Variants in CNTN4 observed in about 807,000 individuals in gnomAD.
CNTN4 encodes contactin 4.
In CNTN4, 77 loss-of-function variants were observed where a neutral mutation model predicts 122.5. That is an observed-to-expected ratio of 0.63 (90% CI 0.52 to 0.76). CNTN4 has a LOEUF of 0.76. Among genes scored for constraint, CNTN4 ranks in the 30% least tolerant of loss-of-function variants. The probability of loss-of-function intolerance (pLI) is 0.00; values close to 1 mark genes in which losing one functional copy is unlikely to be tolerated. For synonymous variants in CNTN4, 512 were observed against 447.0 expected (o/e 1.15, Z -1.83); for missense variants, 1,256 against 1,259.1 (o/e 1.00, Z 0.04).
At chr3:2,396,349 T>C (rs1032466846) in intron 3 of CNTN4, among the ~76,000 whole-genome samples, 1 of 152,138 alleles carries the variant, frequency 6.6e-6, no homozygotes, top group Non-Finnish European at 1.5e-5. Context: ...GTATGAAGGA[T>C]AATGAGACAT....
intron 2 of CNTN4, among the ~76,000 whole-genome samples, chr3:2,254,105 G>A (rs890676227): frequency 7.9e-5 from 10 of 126,030 alleles, no homozygotes; most frequent in Admixed American, 6.2e-4. Context: ...TGTTCTTATA[G>A]TTCAACTCCC....
intron 2 of CNTN4, among the ~76,000 whole-genome samples, chr3:2,136,247 C>T (rs1321450771): frequency 1.3e-5 from 2 of 152,166 alleles, no homozygotes; most frequent in African/African-American, 4.8e-5. Flanking sequence ...AGTTGAGAGA[C>T]CTTATATCAT....
At chr3:2,215,044 C>T (rs1317831883) in intron 2 of CNTN4, among the ~76,000 whole-genome samples, 1 of 152,168 alleles carries the variant, frequency 6.6e-6, no homozygotes, top group Non-Finnish European at 1.5e-5. Flanking sequence ...AGTTTAGTTA[C>T]AGACGCAATT....
chr3:2,263,224 G>GTT (rs2040909889), intron 2 of CNTN4, among the ~76,000 whole-genome samples: 1 of 152,118 alleles, frequency 6.6e-6, no homozygotes, highest in Non-Finnish European at 1.5e-5. Context: ...TTGCTGGGTA[G>GTT]ATTGTGAACT....
At chr3:2,125,328 C>CTGTGTG (rs1350582197) in intron 2 of CNTN4, among the ~76,000 whole-genome samples, 11 of 69,864 alleles carry the variant, frequency 1.6e-4, no homozygotes, top group African/African-American at 5.2e-4. Context: ...ACATTCTATT[C>CTGTGTG]TCTGTGTGTG....
chr3:2,559,384 A>G (rs1482068207), intron 3 of CNTN4, among the ~76,000 whole-genome samples: 1 of 152,128 alleles, frequency 6.6e-6, no homozygotes, highest in East Asian at 1.9e-4. Flanking sequence ...GGCCACTTAC[A>G]GGTCTAGAGG....
chr3:2,328,237 C>A (rs888818715), intron 2 of CNTN4, among the ~76,000 whole-genome samples: 1 of 151,746 alleles, frequency 6.6e-6, no homozygotes, highest in Non-Finnish European at 1.5e-5. Flanking sequence ...AACCCCGTCT[C>A]TACTAAAAAT....
intron 4 of CNTN4, among the ~76,000 whole-genome samples, chr3:2,629,229 A>T (rs1288285913): frequency 1.3e-5 from 2 of 152,154 alleles, no homozygotes; most frequent in African/African-American, 4.8e-5. Context: ...GGGGACACAA[A>T]GAGAAGGTGG....
At chr3:2,169,532 G>A (rs1057304085) in intron 2 of CNTN4, among the ~76,000 whole-genome samples, 2 of 147,472 alleles carry the variant, frequency 1.4e-5, no homozygotes, top group South Asian at 2.2e-4. Flanking sequence ...TCAGCCTCCC[G>A]AGTAGCTGGG....
intron 7 of CNTN4, among the ~76,000 whole-genome samples, chr3:2,835,035 G>A (rs1348636723): frequency 1.3e-5 from 2 of 150,446 alleles, no homozygotes; most frequent in African/African-American, 2.4e-5. Context: ...CTTCCCAGTA[G>A]CTGGGACTAC....
chr3:2,155,513 G>C (rs2035681307), intron 2 of CNTN4, among the ~76,000 whole-genome samples: 1 of 152,214 alleles, frequency 6.6e-6, no homozygotes, highest in Admixed American at 6.5e-5. Context: ...GAACACAGCT[G>C]TTTTTCTTTT....
intron 3 of CNTN4, among the ~76,000 whole-genome samples, chr3:2,470,037 A>G (rs1355693760): frequency 6.6e-6 from 1 of 152,016 alleles, no homozygotes; most frequent in African/African-American, 2.4e-5. Context: ...AGGTTCTATA[A>G]CATTTCTTTG....
At chr3:2,509,788 A>G (rs1341295866) in intron 3 of CNTN4, among the ~76,000 whole-genome samples, 2 of 152,210 alleles carry the variant, frequency 1.3e-5, no homozygotes, top group Non-Finnish European at 2.9e-5. Context: ...ATAACTAACC[A>G]TGTGAAGAAA....
At chr3:2,580,878 A>T (rs918828038) in intron 4 of CNTN4, among the ~76,000 whole-genome samples, 1 of 152,182 alleles carries the variant, frequency 6.6e-6, no homozygotes, top group Non-Finnish European at 1.5e-5. Flanking sequence ...TACATGACCT[A>T]CCAATAAAAC....
At chr3:2,742,237 T>C (rs1418444316) in intron 5 of CNTN4, among the ~76,000 whole-genome samples, 1 of 152,214 alleles carries the variant, frequency 6.6e-6, no homozygotes, top group Non-Finnish European at 1.5e-5. Context: ...TCTTTGTGTT[T>C]ATTCCCTCAA....
At chr3:3,034,611 G>A in intron 16 of CNTN4, 21 bp from the exon 17 acceptor site, 2 of 1,613,606 alleles carry the variant, frequency 1.2e-6, no homozygotes, top group Non-Finnish European at 8.5e-7. Context: ...CTCCAATTCT[G>A]GGGGTCTTGC....
intron 2 of CNTN4, among the ~76,000 whole-genome samples, chr3:2,258,972 T>G (rs556575258): frequency 6.6e-6 from 1 of 152,306 alleles, no homozygotes; most frequent in South Asian, 2.1e-4. Flanking sequence ...ATTTCATTTG[T>G]TTCTTATAAC....
chr3:2,456,678 C>T (rs1475268108), intron 3 of CNTN4, among the ~76,000 whole-genome samples: 1 of 152,150 alleles, frequency 6.6e-6, no homozygotes, highest in Non-Finnish European at 1.5e-5. Flanking sequence ...GACTCATCCA[C>T]ATCGTAGCAC....
chr3:2,979,147 C>T (rs1425493828), intron 13 of CNTN4, among the ~76,000 whole-genome samples: 2 of 152,112 alleles, frequency 1.3e-5, no homozygotes, highest in Non-Finnish European at 2.9e-5. Flanking sequence ...TGCAAACTTA[C>T]CAGGTGGGAA....
Sources: allele counts gnomAD v4.1 joint callset (sites outside exome capture counted in the v4.1 genomes callset), GRCh38; gene constraint gnomAD v4.1.1; transcripts MANE v1.5; gene names NCBI Gene and HGNC (gene_info 2026-07-23, HGNC 2026-07-21).